The following PADI4 variants were observed in gnomAD, a reference collection of about 807,000 sequenced individuals.
The protein encoded by PADI4 is peptidyl arginine deiminase 4.
PADI4 carries 62 observed loss-of-function variants against 75.0 expected under a neutral mutation model. That is an observed-to-expected ratio of 0.83 (90% CI 0.67 to 1.02). PADI4 has a LOEUF of 1.02. Ranked by LOEUF, PADI4 falls within the 50% of genes least tolerant of loss-of-function variation. PADI4 has a pLI of 0.00. For missense variants in PADI4, 845 were observed against 850.5 expected (o/e 0.99, Z 0.08); for synonymous variants, 361 against 348.1 (o/e 1.04, Z -0.41).
intron 1 of PADI4, among the ~76,000 whole-genome samples, chr1:17,323,026 G>A (rs1557545312): frequency 1.3e-5 from 2 of 152,270 alleles, no homozygotes; most frequent in East Asian, 3.9e-4. Context: ...CATAATCAAG[G>A]TATTGGTAGA....
Position 17,319,565 on chromosome 1 carries a change from A to C in PADI4, c.92+11251A>C, listed in dbSNP as rs532592988. ...GACATTCAAAGACAGAGGGTGTATTAGTTTCCTATTTGTTAAAAGAAACAC... is the reference window on the plus strand; with the variant it reads ...GACATTCAAAGACAGAGGGTGTATTCGTTTCCTATTTGTTAAAAGAAACAC... On this transcript the variant is annotated intron_variant, in intron 1 of 15. Coordinates refer to ENST00000375448, the MANE Select transcript of PADI4 (RefSeq NM_012387.3). Among the ~76,000 whole-genome samples, 3 of 152,206 alleles carry C rather than the reference A, an allele frequency of 2.0e-5. No homozygotes were observed. In the South Asian group the frequency reaches 6.2e-4, roughly 31 times the overall value.
rs762132012 is a variant in PADI4, at chr1:17,348,024, G to A, written c.1131G>A (p.Lys377=). 1.2e-6 allele frequency: 2 copies of A among 1,612,310 alleles called. No individual in the cohort carries two copies. The highest frequency in any genetic ancestry group is 3.3e-5 in the Admixed American group (2 of 59,998). ...VFDSPRNRGL[K]EFPIKRVMGP... is the part of the protein sequence containing the mutation. ...ACTCTCCAAGGAACAGAGGCCTGAAGGAGTTTCCCATCAAACGCGTGATGG... is the reference window on the plus strand; with the variant it reads ...ACTCTCCAAGGAACAGAGGCCTGAAAGAGTTTCCCATCAAACGCGTGATGG... Residue 377 remains lysine, a synonymous_variant, in exon 10 of 16, where the codon AAG becomes AAA. Transcript: ENST00000375448.
intron 8 of PADI4, among the ~76,000 whole-genome samples, chr1:17,344,646 G>A (rs542824077): frequency 1.1e-4 from 16 of 152,342 alleles, no homozygotes; most frequent in South Asian, 1.0e-3. Context: ...AGGGGCCAGT[G>A]TAGAGCTCAG....
chr1:17,331,790 C>T (rs549846078), intron 2 of PADI4, among the ~76,000 whole-genome samples: 12 of 152,184 alleles, frequency 7.9e-5, no homozygotes, highest in Admixed American at 7.2e-4. Flanking sequence ...TAGTGGCGAG[C>T]GCCTGTAATC....
chr1:17,357,580 A>T (rs1460986654), intron 13 of PADI4, among the ~76,000 whole-genome samples: 1 of 152,184 alleles, frequency 6.6e-6, no homozygotes, highest in Non-Finnish European at 1.5e-5. Flanking sequence ...CCTGCATGCA[A>T]GTAGATATTT....
chr1:17,345,040 G>A (rs1419771509), intron 8 of PADI4, among the ~76,000 whole-genome samples: 2 of 152,240 alleles, frequency 1.3e-5, no homozygotes, highest in African/African-American at 4.8e-5. Context: ...CCTACCAGGA[G>A]GGAGGCTATA....
At chr1:17,308,914 G>A (rs2073725999) in intron 1 of PADI4, among the ~76,000 whole-genome samples, 1 of 152,146 alleles carries the variant, frequency 6.6e-6, no homozygotes, top group African/African-American at 2.4e-5. Context: ...GGAATTCAAT[G>A]TGAAAAAATG....
chr1:17,341,551 C>A (rs576857111), intron 6 of PADI4, among the ~76,000 whole-genome samples: 8 of 152,338 alleles, frequency 5.3e-5, no homozygotes, highest in African/African-American at 1.9e-4. Context: ...TCCCTACTCA[C>A]CCGTAAGACT....
chr1:17,311,577 T>G (rs577551108), intron 1 of PADI4, among the ~76,000 whole-genome samples: 4 of 151,152 alleles, frequency 2.6e-5, no homozygotes, highest in Admixed American at 6.6e-5. Flanking sequence ...CAGGCTGGAG[T>G]GCAGTGGCAA....
rs978046292 is a variant in PADI4, at chr1:17,322,982, A to G, written c.93-7987A>G. On this transcript the variant is annotated intron_variant, in intron 1 of 15. Coordinates refer to ENST00000375448, the MANE Select transcript of PADI4 (RefSeq NM_012387.3). ...AATTTCTATAGGTTAGCAATCCAGT[A>G]TGGTTTAGCTGGGTTCTCTACTTCA... Among the ~76,000 whole-genome samples, 4 of 152,204 alleles carry G rather than the reference A, an allele frequency of 2.6e-5. No individual in the cohort carries two copies. In the South Asian group the frequency reaches 8.3e-4, roughly 31 times the overall value.
chr1:17,312,031 G>GT (rs893380600), intron 1 of PADI4, among the ~76,000 whole-genome samples: 2 of 152,202 alleles, frequency 1.3e-5, no homozygotes, highest in Non-Finnish European at 2.9e-5. Context: ...AATGACTAAA[G>GT]TGAGTGTCAA....
At chr1:17,340,167 G>C (rs1041450628) in intron 6 of PADI4, among the ~76,000 whole-genome samples, 3 of 152,002 alleles carry the variant, frequency 2.0e-5, no homozygotes, top group African/African-American at 7.3e-5. Flanking sequence ...GAGACATCAG[G>C]AACTTCTCAG....
rs1189653002 is a variant in PADI4, at chr1:17,354,694, A to T, written c.1310+7A>T. The T allele has an allele frequency of 8.2e-6, 13 of 1,593,882 alleles. No homozygotes were observed. The highest frequency in any genetic ancestry group is 1.3e-5 in the African/African-American group (1 of 74,514). On this transcript the variant is annotated splice_region_variant and intron_variant, in intron 11 of 15. Coordinates refer to ENST00000375448, the MANE Select transcript of PADI4 (RefSeq NM_012387.3). Reference sequence around the variant, plus strand: ...GGGACAGCTGTTATCCCAGGTAAGGAGGGGAGTAACAGGAAGGGGTGGCCA... The same window carrying T: ...GGGACAGCTGTTATCCCAGGTAAGGTGGGGAGTAACAGGAAGGGGTGGCCA...
At chr1:17,312,159 G>A (rs1432908352) in intron 1 of PADI4, among the ~76,000 whole-genome samples, 1 of 152,078 alleles carries the variant, frequency 6.6e-6, no homozygotes, top group South Asian at 2.1e-4. Context: ...AATATTTAAA[G>A]GGAAAAGAGT....
chr1:17,356,443 G>A lies in PADI4; in HGVS notation c.1542G>A (p.Leu514=), dbSNP rs763181158. ...ATGAGGGCCACGGGGAGGCCCTGCT[G>A]TTCGAAGGGATCAAGAGTAAGTCGG... ...QQNEGHGEAL[L]FEGIKKKKQQ... The change falls in exon 13 of 16, where the codon CTG becomes CTA. Residue 514 remains leucine, a synonymous_variant. Coordinates refer to ENST00000375448, the MANE Select transcript of PADI4 (RefSeq NM_012387.3). This position sits in a 1 kb window ranked among gnomAD's most constrained non-coding sequence, Gnocchi z 4.1. The A allele has an allele frequency of 6.8e-6, 11 of 1,606,372 alleles. No individual in the cohort carries two copies. In the Admixed American group the frequency reaches 1.8e-4, roughly 27 times the overall value.
At position 17,342,279 on chromosome 1, in the gene PADI4, C is replaced by G. The variant is rs374233293; in HGVS notation, c.832-20C>G. On this transcript the variant is annotated intron_variant, in intron 7 of 15. Transcript: ENST00000375448. ...GGCAGCGGTGACAGCCCCTCCTTCC[C>G]CTTACCCCCTCCCCTGCAGGAGCTC... 1.4e-5 allele frequency: 21 copies of G among 1,537,674 alleles called. No homozygotes were observed. The highest frequency in any genetic ancestry group is 6.8e-5 in the African/African-American group (5 of 73,516).
rs72916868 is a variant in PADI4, at chr1:17,332,814, G to T, written c.274-1129G>T. Among the ~76,000 whole-genome samples, 1,463 of 152,190 alleles carry T rather than the reference G, an allele frequency of 9.6e-3. 22 individuals carry two copies. The highest frequency in any genetic ancestry group is 0.03 in the African/African-American group (1,231 of 41,508). On this transcript the variant is annotated intron_variant, in intron 2 of 15. Coordinates refer to ENST00000375448, the MANE Select transcript of PADI4 (RefSeq NM_012387.3). ...TTGACTATCCAGGCAGGCTGGGGAGGGGGTGGTCGGGGAAGGCTTCCTGAA... is the reference window on the plus strand; with the variant it reads ...TTGACTATCCAGGCAGGCTGGGGAGTGGGTGGTCGGGGAAGGCTTCCTGAA...
At chr1:17,332,724 G>T (rs1470216430) in intron 2 of PADI4, among the ~76,000 whole-genome samples, 1 of 152,122 alleles carries the variant, frequency 6.6e-6, no homozygotes, top group Non-Finnish European at 1.5e-5. Flanking sequence ...CAGATCTCTG[G>T]GCCAACAGCC....
intron 3 of PADI4, 86 bp from the exon 4 acceptor site, chr1:17,336,073 G>C (rs777694934): frequency 5.7e-6 from 5 of 871,536 alleles, no homozygotes; most frequent in Non-Finnish European, 9.7e-6. Flanking sequence ...AGTCCCCTGG[G>C]GAAACGACCT....
Sources: gnomAD v4.1 joint callset for allele counts (sites outside exome capture counted in the v4.1 genomes callset) on GRCh38, gnomAD v4.1.1 for gene constraint, Gnocchi (gnomAD v3.1) non-coding constraint, MANE v1.5 for transcripts, NCBI Gene and HGNC (gene_info 2026-07-23, HGNC 2026-07-21) for gene names.